The following TAFA1 variants were observed in gnomAD, a reference collection of about 807,000 sequenced individuals.
TAFA1 encodes the protein TAFA chemokine like family member 1.
In TAFA1, 4 loss-of-function variants were observed where a neutral mutation model predicts 18.5. That is an observed-to-expected ratio of 0.22 (90% CI 0.11 to 0.49). TAFA1 has a LOEUF of 0.49. Ranked by LOEUF, TAFA1 falls within the 20% of genes least tolerant of loss-of-function variation. TAFA1 has a pLI of 0.98. For missense variants in TAFA1, 147 were observed against 169.0 expected (o/e 0.87, Z 0.72); for synonymous variants, 56 against 55.2 (o/e 1.01, Z -0.06).
intron 2 of TAFA1, among the ~76,000 whole-genome samples, chr3:68,032,070 C>T (rs1327442967): frequency 6.6e-6 from 1 of 151,946 alleles, no homozygotes; most frequent in Non-Finnish European, 1.5e-5. Context: ...AGTCTTAAAT[C>T]TTAAATATCA....
At chr3:68,503,624 A>G (rs531939719) in intron 3 of TAFA1, among the ~76,000 whole-genome samples, 9 of 152,166 alleles carry the variant, frequency 5.9e-5, no homozygotes, top group Non-Finnish European at 1.3e-4. Flanking sequence ...GACATTGTGA[A>G]TATACTCAAA....
intron 3 of TAFA1, among the ~76,000 whole-genome samples, chr3:68,532,880 AAATAATAAT>A (rs3037452): frequency 1.2e-4 from 18 of 146,422 alleles, no homozygotes; most frequent in South Asian, 2.1e-4. Flanking sequence ...TTGTAAAGCA[AAATAATAAT>A]AATAATAATA....
chr3:68,345,958 CA>C (rs1337461245), intron 2 of TAFA1, among the ~76,000 whole-genome samples: 1 of 152,148 alleles, frequency 6.6e-6, no homozygotes, highest in Non-Finnish European at 1.5e-5. Context: ...ACTCTACCAG[CA>C]AACTAACAGT....
chr3:68,194,762 G>A (rs2066391294), intron 2 of TAFA1, among the ~76,000 whole-genome samples: 1 of 151,682 alleles, frequency 6.6e-6, no homozygotes, highest in Non-Finnish European at 1.5e-5. Context: ...TTCAAAGTAT[G>A]AAGTCTTAGT....
intron 2 of TAFA1, among the ~76,000 whole-genome samples, chr3:68,209,505 T>C (rs1442262937): frequency 6.6e-6 from 1 of 152,014 alleles, no homozygotes; most frequent in African/African-American, 2.4e-5. Context: ...GTTAAGAGGG[T>C]AGCATATCGT....
the TAFA1 span, among the ~76,000 whole-genome samples, chr3:67,993,127 G>C: frequency 0.72 from 110,305 of 152,148 alleles, 41,413 homozygotes; most frequent in South Asian, 0.86. Flanking sequence ...AAATAGGAAA[G>C]AACCTAGTCC....
At chr3:68,493,572 G>A (rs1218234974) in intron 3 of TAFA1, among the ~76,000 whole-genome samples, 1 of 152,130 alleles carries the variant, frequency 6.6e-6, no homozygotes, top group Non-Finnish European at 1.5e-5. Context: ...GTTTTCCACA[G>A]CAGGTGTCCT....
At chr3:68,383,125 A>T (rs139595558) in intron 2 of TAFA1, among the ~76,000 whole-genome samples, 216 of 152,222 alleles carry the variant, frequency 1.4e-3, no homozygotes, top group African/African-American at 5.1e-3. Flanking sequence ...GGTTTTCTAG[A>T]TATAGGATCA....
chr3:68,356,362 G>A (rs757005089), intron 2 of TAFA1, among the ~76,000 whole-genome samples: 14 of 151,802 alleles, frequency 9.2e-5, no homozygotes, highest in Non-Finnish European at 1.6e-4. Context: ...AAGGGATAAA[G>A]CTCAAGCTCA....
intron 2 of TAFA1, among the ~76,000 whole-genome samples, chr3:68,283,379 C>T (rs2067935669): frequency 6.6e-6 from 1 of 152,180 alleles, no homozygotes; most frequent in South Asian, 2.1e-4. Context: ...GGATTATACA[C>T]ACCAAGTCAG....
intron 2 of TAFA1, among the ~76,000 whole-genome samples, chr3:68,294,379 AATTT>A (rs760666112): frequency 4.3e-4 from 65 of 152,182 alleles, no homozygotes; most frequent in Non-Finnish European, 8.8e-4. Context: ...TTGGTGGAAA[AATTT>A]ATTAATGGGA....
chr3:68,323,023 C>A (rs1352768266), intron 2 of TAFA1, among the ~76,000 whole-genome samples: 1 of 152,184 alleles, frequency 6.6e-6, no homozygotes, highest in African/African-American at 2.4e-5. Flanking sequence ...AAAATCAGGA[C>A]CAGTTGTGGT....
chr3:68,006,433 A>G, intron 1 of TAFA1, 191 bp from the exon 2 acceptor site: 1 of 544,698 alleles, frequency 1.8e-6, no homozygotes, highest in Non-Finnish European at 3.3e-6. Flanking sequence ...AAAAAAATGA[A>G]TGTATGATCA....
intron 2 of TAFA1, among the ~76,000 whole-genome samples, chr3:68,267,163 T>G (rs1363562694): frequency 6.6e-6 from 1 of 152,146 alleles, no homozygotes; most frequent in African/African-American, 2.4e-5. Context: ...CAGATAAGAC[T>G]TGTTGTGTTA....
intron 3 of TAFA1, among the ~76,000 whole-genome samples, chr3:68,428,952 T>C (rs17047702): frequency 0.019 from 2,931 of 152,014 alleles, 100 homozygotes; most frequent in African/African-American, 0.062. Context: ...ACCTTCTCAA[T>C]AGAGGTTCAA....
intron 3 of TAFA1, among the ~76,000 whole-genome samples, chr3:68,537,973 T>A (rs755466108): frequency 6.6e-5 from 10 of 152,076 alleles, no homozygotes; most frequent in Admixed American, 1.3e-4. Context: ...TCTTCGAGGT[T>A]AGGATTTTTC....
intron 2 of TAFA1, among the ~76,000 whole-genome samples, chr3:68,327,429 T>C (rs1482596777): frequency 6.6e-6 from 1 of 152,148 alleles, no homozygotes; most frequent in East Asian, 1.9e-4. Flanking sequence ...AAAATGGTTG[T>C]ATAACTGAGG....
At chr3:68,130,391 C>T (rs1210126813) in intron 2 of TAFA1, among the ~76,000 whole-genome samples, 1 of 152,122 alleles carries the variant, frequency 6.6e-6, no homozygotes, top group East Asian at 1.9e-4. Flanking sequence ...ACAGCTCTGA[C>T]CCTTTCATTT....
At chr3:68,292,668 AG>A (rs2068131122) in intron 2 of TAFA1, among the ~76,000 whole-genome samples, 2 of 152,092 alleles carry the variant, frequency 1.3e-5, no homozygotes, top group Admixed American at 1.3e-4. Context: ...GTGGGACTTC[AG>A]GTGCTATGCC....
Sources: allele counts gnomAD v4.1 joint callset (sites outside exome capture counted in the v4.1 genomes callset), GRCh38; gene constraint gnomAD v4.1.1; transcripts MANE v1.5; gene names NCBI Gene and HGNC (gene_info 2026-07-23, HGNC 2026-07-21).